The following BRAF variants were observed in gnomAD, a reference collection of about 807,000 sequenced individuals.
BRAF encodes the protein serine/threonine-protein kinase B-raf.
In BRAF, 16 loss-of-function variants were observed where a neutral mutation model predicts 104.6. The ratio of observed to expected loss-of-function variants is 0.15; its 90% CI spans 0.10 to 0.23. The LOEUF is 0.23. BRAF is among the 10% of genes least tolerant of loss of function. The pLI is 1.00. For synonymous variants in BRAF, 310 were observed against 341.6 expected, an observed-to-expected ratio of 0.91 and a Z score of 1.02; for missense variants, 541 against 937.3, an observed-to-expected ratio of 0.58 and a Z score of 5.52.
At chr7:140,798,381 T>G (rs1054178332) in intron 7 of BRAF, among the ~76,000 whole-genome samples, 9 of 147,926 alleles carry the variant, frequency 6.1e-5, no homozygotes, top group African/African-American at 2.2e-4. Context: ...TCCTGACTCC[T>G]GAGTAGCTGG....
Position 140,892,549 on chromosome 7 carries a change from A to G in BRAF, c.138+32017T>C, listed in dbSNP as rs140682008. ...GTTTCCCAAAATTGTAAACTATGGA[A>G]CCTATCTTTGGGAGAACACTTTGAA... On this transcript the variant is annotated intron_variant, in intron 1 of 19. Transcript: ENST00000644969. Among the ~76,000 whole-genome samples the G allele has an allele frequency of 7.9e-5, 12 of 152,358 alleles. No individual in the cohort carries two copies. The East Asian group carries it at 2.1e-3, about 27-fold the overall frequency.
At chr7:140,888,921 T>C (rs1054193835) in intron 1 of BRAF, among the ~76,000 whole-genome samples, 1 of 152,200 alleles carries the variant, frequency 6.6e-6, no homozygotes, top group Non-Finnish European at 1.5e-5. Context: ...CCCGGCATTT[T>C]TGATGTTTCT....
At chr7:140,782,833 T>C (rs1462149362) in intron 11 of BRAF, among the ~76,000 whole-genome samples, 188 bp downstream of exon 10, 1 of 152,216 alleles carries the variant, frequency 6.6e-6, no homozygotes, top group Non-Finnish European at 1.5e-5. Context: ...AATTATATTA[T>C]AGATGACAGC....
At chr7:140,853,188 C>T (rs887788627) in intron 1 of BRAF, among the ~76,000 whole-genome samples, 1 of 149,266 alleles carries the variant, frequency 6.7e-6, no homozygotes, top group African/African-American at 2.5e-5. Context: ...ACGGGAGGAT[C>T]GCAACATAGT....
chr7:140,774,324 T>C (rs1800124101), intron 14 of BRAF, among the ~76,000 whole-genome samples: 1 of 152,180 alleles, frequency 6.6e-6, no homozygotes, highest in African/African-American at 2.4e-5. Flanking sequence ...TGTTTCAGAG[T>C]AGATGACTAA....
At chr7:140,764,296 C>T (rs1799084626) in intron 14 of BRAF, among the ~76,000 whole-genome samples, 1 of 151,276 alleles carries the variant, frequency 6.6e-6, no homozygotes, top group Non-Finnish European at 1.5e-5. Context: ...TGGGACGTAT[C>T]TCAAAATATT....
At chr7:140,749,483 C>CT in intron 16 of BRAF, 65 bp from the exon 16 acceptor site, 1 of 1,531,540 alleles carries the variant, frequency 6.5e-7, no homozygotes, top group Non-Finnish European at 9.0e-7. Flanking sequence ...AAACAACCTA[C>CT]TATAATTCCT....
At position 140,725,000 on chromosome 7, in the gene BRAF, A is replaced by G. The variant is rs896273245; in HGVS notation, c.*1494T>C. 1.9e-6 allele frequency: 2 copies of G among 1,046,232 alleles called. No homozygotes were observed. The highest frequency in any genetic ancestry group is 1.2e-6 in the Non-Finnish European group (1 of 867,424). 64.8% of individuals were successfully genotyped at this position (1,046,232 alleles called of 1,614,324 possible). ...TAATGAATGCCAGTTCTTTCTATAAAAACAACTGATGACAGCTTTCCCACA... is the reference window on the plus strand; with the variant it reads ...TAATGAATGCCAGTTCTTTCTATAAGAACAACTGATGACAGCTTTCCCACA... On this transcript the variant is annotated 3_prime_UTR_variant, in exon 20 of 20. Coordinates refer to ENST00000644969, the MANE Select transcript of BRAF (RefSeq NM_001374258.1).
At chr7:140,870,871 T>TAAA (rs369012646) in intron 1 of BRAF, among the ~76,000 whole-genome samples, 46 of 125,152 alleles carry the variant, frequency 3.7e-4, no homozygotes, top group Non-Finnish European at 1.9e-4. Flanking sequence ...TTTTCTTACT[T>TAAA]AAAAAAAAAA....
intron 7 of BRAF, among the ~76,000 whole-genome samples, chr7:140,795,857 T>C (rs1802442642): frequency 6.6e-6 from 1 of 152,214 alleles, no homozygotes; most frequent in African/African-American, 2.4e-5. Flanking sequence ...ATGTTCCATC[T>C]AGGTCCTTTT....
chr7:140,844,915 A>T (rs1562991356), intron 2 of BRAF, among the ~76,000 whole-genome samples: 1 of 151,872 alleles, frequency 6.6e-6, no homozygotes, highest in East Asian at 1.9e-4. Flanking sequence ...GTGAGACTCC[A>T]TCTCAAAAAA....
intron 1 of BRAF, among the ~76,000 whole-genome samples, chr7:140,909,635 A>G (rs1388572835): frequency 6.6e-6 from 1 of 152,148 alleles, no homozygotes; most frequent in Non-Finnish European, 1.5e-5. Context: ...GTGATTTTCT[A>G]AAGGGGTGGA....
chr7:140,873,977 A>G (rs984353174), intron 1 of BRAF, among the ~76,000 whole-genome samples: 2 of 152,240 alleles, frequency 1.3e-5, no homozygotes, highest in East Asian at 3.8e-4. Flanking sequence ...AAGAATAAAA[A>G]TAAAAACAAG....
chr7:140,884,888 CAA>C, intron 1 of BRAF, among the ~76,000 whole-genome samples: 1 of 152,120 alleles, frequency 6.6e-6, no homozygotes, highest in South Asian at 2.1e-4. Context: ...AACTAATTAA[CAA>C]AAGTGATCTA....
intron 14 of BRAF, among the ~76,000 whole-genome samples, chr7:140,774,670 C>T (rs1800163403): frequency 6.6e-6 from 1 of 152,214 alleles, no homozygotes; most frequent in Admixed American, 6.5e-5. Flanking sequence ...GCAAGTGCCA[C>T]CACACCTTGC....
At chr7:140,749,236 A>C (rs201698108) in intron 17 of BRAF, 51 bp downstream of exon 16, 84 of 1,606,646 alleles carry the variant, frequency 5.2e-5, no homozygotes, top group Non-Finnish European at 7.1e-5. Flanking sequence ...CTACAACTGG[A>C]GCCTTGTATA....
chr7:140,760,168 T>C (rs1798555613), intron 14 of BRAF, among the ~76,000 whole-genome samples: 1 of 152,182 alleles, frequency 6.6e-6, no homozygotes, highest in South Asian at 2.1e-4. Context: ...ATTCCAGCAC[T>C]TTGGGATGCC....
chr7:140,815,152 T>C (rs2129051698), intron 3 of BRAF, among the ~76,000 whole-genome samples: 1 of 151,644 alleles, frequency 6.6e-6, no homozygotes, highest in African/African-American at 2.4e-5. Context: ...TTTTTTTTTT[T>C]TTTGAGACAG....
Position 140,719,773 on chromosome 7 carries a change from A to C in BRAF, c.*6721T>G. Reference sequence around the variant, plus strand: ...TGTAATTTTTGCAAAGCAGGTATAGAGAGGTCTGTGGACAATTAAAAAGTC... The same window carrying C: ...TGTAATTTTTGCAAAGCAGGTATAGCGAGGTCTGTGGACAATTAAAAAGTC... On this transcript the variant is annotated 3_prime_UTR_variant, in exon 20 of 20. Transcript: ENST00000644969. 1 of 1,062,888 alleles carries C rather than the reference A, an allele frequency of 9.4e-7. No individual in the cohort carries two copies. The highest frequency in any genetic ancestry group is 1.1e-6 in the Non-Finnish European group (1 of 877,798). The allele number at this position is 1,062,888 out of a possible 1,614,324, so 65.8% of individuals were successfully genotyped here. A position where few individuals can be genotyped will look rare whatever the true frequency, so the allele number is the denominator to read the frequency against.
Sources: allele counts gnomAD v4.1 joint callset (sites outside exome capture counted in the v4.1 genomes callset), GRCh38; gene constraint gnomAD v4.1.1; transcripts MANE v1.5; gene names NCBI Gene and HGNC (gene_info 2026-07-23, HGNC 2026-07-21).